PLEKHH2: variants seen among roughly 807,000 people sequenced by gnomAD.
PLEKHH2 encodes pleckstrin homology, MyTH4 and FERM domain containing H2.
A neutral mutation model predicts 187.9 loss-of-function variants in PLEKHH2; 129 were observed. The ratio of observed to expected loss-of-function variants is 0.69; its 90% CI spans 0.59 to 0.79. The LOEUF (loss-of-function observed/expected upper bound fraction) is 0.79. PLEKHH2 is among the 30% of genes least tolerant of loss of function. PLEKHH2 has a pLI of 0.00. For missense variants in PLEKHH2, 2,076 were observed against 1,751.2 expected, an observed-to-expected ratio of 1.19 and a Z score of -3.31; for synonymous variants, 686 against 605.6, an observed-to-expected ratio of 1.13 and a Z score of -1.95.
At chr2:43,696,864 C>T (rs553011197) in intron 6 of PLEKHH2, among the ~76,000 whole-genome samples, 1 of 152,250 alleles carries the variant, frequency 6.6e-6, no homozygotes, top group East Asian at 1.9e-4. Flanking sequence ...CTAGAGCTCT[C>T]TAGTTATTTA....
chr2:43,643,672 T>A (rs988562934), intron 1 of PLEKHH2, among the ~76,000 whole-genome samples: 1 of 152,140 alleles, frequency 6.6e-6, no homozygotes, highest in African/African-American at 2.4e-5. Context: ...GTCACCGTTC[T>A]TCATAACTGA....
chr2:43,725,340 G>GA (rs1670689222), intron 16 of PLEKHH2, among the ~76,000 whole-genome samples: 1 of 152,170 alleles, frequency 6.6e-6, no homozygotes, highest in African/African-American at 2.4e-5. Context: ...TGTCCAAAGG[G>GA]AAAAGAATGT....
chr2:43,690,695 C>G (rs528561198), intron 3 of PLEKHH2, among the ~76,000 whole-genome samples: 1 of 152,246 alleles, frequency 6.6e-6, no homozygotes, highest in African/African-American at 2.4e-5. Context: ...AAATTTTAGT[C>G]TTACCTATTT....
At chr2:43,711,434 A>T in intron 14 of PLEKHH2, 1 of 977,162 alleles carries the variant, frequency 1.0e-6, no homozygotes. Context: ...TGAGTTCATA[A>T]TATCTAATCA....
intron 15 of PLEKHH2, among the ~76,000 whole-genome samples, chr2:43,719,478 C>T (rs974025071): frequency 8.5e-5 from 13 of 152,292 alleles, no homozygotes; most frequent in East Asian, 3.9e-4. Context: ...CCTGCTCTGT[C>T]GCCCAGGCTG....
At chr2:43,713,311 C>G (rs1026395539) in intron 15 of PLEKHH2, among the ~76,000 whole-genome samples, 1 of 152,020 alleles carries the variant, frequency 6.6e-6, no homozygotes, top group Admixed American at 6.5e-5. Flanking sequence ...GTTTTGAAAG[C>G]TATTTACTTT....
chr2:43,722,808 A>T (rs919692), intron 16 of PLEKHH2, among the ~76,000 whole-genome samples: 91,417 of 152,056 alleles, frequency 0.6, 28,741 homozygotes, highest in African/African-American at 0.76. Context: ...TAGAAAAATA[A>T]TTTAATAAAA....
rs1418064014 is a variant in PLEKHH2, at chr2:43,697,329, G to C, written c.661G>C (p.Glu221Gln). 6.2e-7 allele frequency: 1 copy of C among 1,612,212 alleles called. No individual in the cohort carries two copies. Among genetic ancestry groups the C allele is most frequent in the East Asian group, 2.2e-5 (1 of 44,846 alleles). ...EMSKISSKEP[E>Q]FTEGKDMEEM... is the part of the protein sequence containing the mutation. ...GAGCAAGATATCATCGAAAGAACCT[G>C]AGTTCACTGAAGGAAAAGACATGGA... The change falls in exon 7 of 30, where the codon GAG (glutamate) becomes CAG (glutamine). Residue 221 changes from glutamate (E) to glutamine (Q), a missense_variant. Physicochemically the swap from Glu to Gln is conservative, Grantham distance 29 (BLOSUM62 2). Transcript: ENST00000282406.
intron 6 of PLEKHH2, among the ~76,000 whole-genome samples, chr2:43,695,523 A>G (rs1669044486): frequency 6.6e-6 from 1 of 152,246 alleles, no homozygotes; most frequent in Admixed American, 6.5e-5. Context: ...TTCCATTGGT[A>G]CACTTTTTAG....
chr2:43,715,776 G>A (rs1302958709), intron 15 of PLEKHH2, among the ~76,000 whole-genome samples: 2 of 152,168 alleles, frequency 1.3e-5, no homozygotes, highest in Admixed American at 1.3e-4. Context: ...GGAGCTGGTA[G>A]GATGTCTTAG....
At position 43,666,440 on chromosome 2, in the gene PLEKHH2, C is replaced by G. The variant is rs557275232; in HGVS notation, c.124-12423C>G. ...TGCAGAAATCACCCGTCTTCTGCGTCGCTCACGCTGGGAGCTGTAGACCGG... is the reference window on the plus strand; with the variant it reads ...TGCAGAAATCACCCGTCTTCTGCGTGGCTCACGCTGGGAGCTGTAGACCGG... On this transcript the variant is annotated intron_variant, in intron 2 of 29. Transcript: ENST00000282406. Among the ~76,000 whole-genome samples the G allele has an allele frequency of 2.0e-5, 3 of 147,338 alleles. No homozygotes were observed. The East Asian group carries it at 5.8e-4, about 28-fold the overall frequency.
Position 43,697,326 on chromosome 2 carries a change from C to A in PLEKHH2, c.658C>A (p.Pro220Thr). 1.2e-6 allele frequency: 2 copies of A among 1,612,462 alleles called. No homozygotes were observed. The highest frequency in any genetic ancestry group is 1.7e-6 in the Non-Finnish European group (2 of 1,179,354). ...EEMSKISSKE[P>T]EFTEGKDMEE... ...AATGAGCAAGATATCATCGAAAGAA[C>A]CTGAGTTCACTGAAGGAAAAGACAT... is the stretch of plus-strand genomic sequence containing the variant. The change falls in exon 7 of 30, where the codon CCT (proline) becomes ACT (threonine). Residue 220 changes from proline (P) to threonine (T), a missense_variant. Physicochemically the swap from Pro to Thr is conservative, Grantham distance 38. Transcript: ENST00000282406.
intron 16 of PLEKHH2, among the ~76,000 whole-genome samples, chr2:43,721,707 G>C (rs1025768854): frequency 6.6e-6 from 1 of 152,130 alleles, no homozygotes; most frequent in Admixed American, 6.5e-5. Context: ...ACAACATAGT[G>C]GGAACCTGTC....
At chr2:43,676,399 C>A in intron 2 of PLEKHH2, 1 of 1,228,252 alleles carries the variant, frequency 8.1e-7, no homozygotes, top group Non-Finnish European at 1.1e-6. Context: ...CCTTCCGGAG[C>A]TGGCGGCTGC....
In PLEKHH2 at chr2:43,731,538, T is replaced by C. The variant is rs1470430223; in HGVS notation, c.2879T>C (p.Ile960Thr). Residue 960 changes from isoleucine to threonine, a missense_variant, in exon 19 of 30, where the codon ATC (isoleucine) becomes ACC (threonine). Ile to Thr is a moderately conservative substitution (Grantham distance 89, BLOSUM62 -1). Transcript: ENST00000282406. ...ACTTTGTGTCACAGTAAAGAAGGAA[T>C]CATTTCCCCTCTGACAACTCTACCT... ...HPTLCHSKEG[I>T]ISPLTTLPSE... is the part of the protein sequence containing the mutation. 1.2e-6 allele frequency: 2 copies of C among 1,606,998 alleles called. No individual in the cohort carries two copies. The highest frequency in any genetic ancestry group is 1.7e-6 in the Non-Finnish European group (2 of 1,174,080).
intron 1 of PLEKHH2, among the ~76,000 whole-genome samples, chr2:43,640,304 A>G (rs1703314504): frequency 6.6e-6 from 1 of 151,320 alleles, no homozygotes; most frequent in Non-Finnish European, 1.5e-5. Flanking sequence ...ATCCTCCCAC[A>G]CAGGGCTCCC....
intron 3 of PLEKHH2, among the ~76,000 whole-genome samples, chr2:43,690,348 T>A (rs1013859299): frequency 1.3e-5 from 2 of 149,454 alleles, no homozygotes; most frequent in African/African-American, 5.0e-5. Context: ...TTCTTCAACT[T>A]TTTTTTTTTG....
At position 43,731,521 on chromosome 2, in the gene PLEKHH2, T is replaced by G. The variant is rs753027159; in HGVS notation, c.2862T>G (p.Cys954Trp). The G allele has an allele frequency of 1.9e-6, 3 of 1,605,164 alleles. No homozygotes were observed. The highest frequency in any genetic ancestry group is 2.6e-6 in the Non-Finnish European group (3 of 1,172,308). Residue 954 changes from cysteine to tryptophan, a missense_variant, in exon 19 of 30, where the codon TGT becomes TGG. Physicochemically the swap from Cys to Trp is radical, Grantham distance 215 (BLOSUM62 -2). Transcript: ENST00000282406. The stretch of plus-strand genomic sequence containing the variant: ...AGATATGGAGACACCCCACTTTGTG[T>G]CACAGTAAAGAAGGAATCATTTCCC... The part of the protein sequence containing the change: ...SSQIWRHPTL[C>W]HSKEGIISPL...
chr2:43,675,545 G>A (rs750548400), intron 2 of PLEKHH2: 5 of 1,613,768 alleles, frequency 3.1e-6, no homozygotes, highest in Non-Finnish European at 4.2e-6. Flanking sequence ...ACTTGCTGAG[G>A]GTTATTAGAC....
Sources: gnomAD v4.1 joint callset for allele counts (sites outside exome capture counted in the v4.1 genomes callset) on GRCh38, gnomAD v4.1.1 for gene constraint, MANE v1.5 for transcripts, NCBI Gene and HGNC (gene_info 2026-07-23, HGNC 2026-07-21) for gene names.